The following EHBP1L1 variants were observed in gnomAD, a reference collection of about 807,000 sequenced individuals.
EHBP1L1 encodes EH domain-binding protein 1-like protein 1.
In EHBP1L1, 122 loss-of-function variants were observed where a neutral mutation model predicts 151.1. That is an observed-to-expected ratio of 0.81 (90% confidence interval 0.70 to 0.94). The LOEUF (loss-of-function observed/expected upper bound fraction) is 0.94. Among genes scored for constraint, EHBP1L1 ranks in the 40% least tolerant of loss-of-function variants. The pLI is 0.00. For missense variants in EHBP1L1, 1,941 were observed against 1,959.8 expected, an observed-to-expected ratio of 0.99 and a Z score of 0.18; for synonymous variants, 878 against 810.1, an observed-to-expected ratio of 1.08 and a Z score of -1.42.
In EHBP1L1 at chr11:65,590,548, CAAG is replaced by C; in HGVS notation, c.4245_4247del (p.Lys1415del). On this transcript the variant is annotated inframe_deletion, in exon 16 of 19. Transcript: ENST00000309295. Reference sequence around the variant, plus strand: ...TCCAGGAGTGGTTCACCCTGGTCAACAAGAAGAACGCTCTCATCCGGAGGCAGG... The same window carrying C: ...TCCAGGAGTGGTTCACCCTGGTCAACAAGAACGCTCTCATCCGGAGGCAGG... The C allele has an allele frequency of 1.9e-6, 3 of 1,613,710 alleles. No individual in the cohort carries two copies. Among genetic ancestry groups the C allele is most frequent in the Non-Finnish European group, 1.7e-6 (2 of 1,179,866 alleles).
At position 65,585,577 on chromosome 11, in the gene EHBP1L1, G is replaced by A. The variant is rs745432786; in HGVS notation, c.3919G>A (p.Gly1307Arg). The change falls in exon 12 of 19, where the codon GGA becomes AGA. Residue 1307 changes from glycine to arginine, a missense_variant. Gly to Arg is a moderately radical substitution (Grantham distance 125). Coordinates refer to ENST00000309295, the MANE Select transcript of EHBP1L1 (RefSeq NM_001099409.3). This position sits in a 1 kb window ranked among gnomAD's most constrained non-coding sequence, Gnocchi z 4.0. ...SMDDPDAGAM[G>R]AAAAEGQAPD... ...GGACGATCCGGACGCGGGAGCCATG[G>A]GAGCTGCGGCTGCAGTGAGTGTCAA... The A allele has an allele frequency of 6.3e-7, 1 of 1,579,346 alleles. No individual in the cohort carries two copies. The highest frequency in any genetic ancestry group is 1.7e-5 in the Admixed American group (1 of 57,534).
At chr11:65,576,786 C>T (rs1857352284) in intron 1 of EHBP1L1, among the ~76,000 whole-genome samples, 1 of 152,166 alleles carries the variant, frequency 6.6e-6, no homozygotes, top group African/African-American at 2.4e-5. Flanking sequence ...AGGGCTGGGG[C>T]AGGAGCCTCC....
intron 12 of EHBP1L1, among the ~76,000 whole-genome samples, chr11:65,587,734 C>G (rs1858047420): frequency 3.3e-5 from 5 of 152,058 alleles, no homozygotes; most frequent in Admixed American, 3.3e-4. Flanking sequence ...GTGACTGGCC[C>G]CAAGGCACAC....
At chr11:65,584,792 G>T in intron 11 of EHBP1L1, 167 bp from the exon 12 acceptor site, 1 of 1,057,716 alleles carries the variant, frequency 9.5e-7, no homozygotes, top group South Asian at 1.6e-5. Context: ...GCTAAGCAAC[G>T]CGAGGGCGGG....
intron 11 of EHBP1L1, 73 bp from the exon 12 acceptor site, chr11:65,584,886 G>T (rs1857851560): frequency 3.3e-6 from 5 of 1,497,382 alleles, no homozygotes; most frequent in African/African-American, 1.4e-5. Flanking sequence ...CCCCCTCCGT[G>T]GGGCGGCACT....
In EHBP1L1 at chr11:65,592,636, G is replaced by A. The variant is rs556666995; in HGVS notation, c.*334G>A. The A allele has an allele frequency of 1.1e-5, 3 of 278,358 alleles. No homozygotes were observed. Among genetic ancestry groups the A allele is most frequent in the African/African-American group, 4.5e-5 (2 of 44,314 alleles). 17.2% of individuals were successfully genotyped at this position (278,358 alleles called of 1,614,324 possible). ...CCTGTTCTCCAGAGCAATAAAGTTG[G>A]ACGAGACTACCCCAGCGCCGGCCTT... On this transcript the variant is annotated 3_prime_UTR_variant, in exon 19 of 19. Coordinates refer to ENST00000309295, the MANE Select transcript of EHBP1L1 (RefSeq NM_001099409.3).
rs1857395166 is a variant in EHBP1L1, at chr11:65,577,660, C to T, written c.104+1254C>T. On this transcript the variant is annotated intron_variant, in intron 1 of 18. Transcript: ENST00000309295. ...CCCAGCCTGAGTCAGGCTGCCCAGC[C>T]AAGCCCTGCCCTCCCTAGGCACCCC... Among the ~76,000 whole-genome samples the T allele has an allele frequency of 2.0e-5, 3 of 152,270 alleles. 1 individual carries two copies. The highest frequency in any genetic ancestry group is 7.2e-5 in the African/African-American group (3 of 41,574).
rs1858218213 is a variant in EHBP1L1, at chr11:65,590,543, G to A, written c.4234G>A (p.Val1412Ile). 1 of 1,613,546 alleles carries A rather than the reference G, an allele frequency of 6.2e-7. No individual in the cohort carries two copies. Among genetic ancestry groups the A allele is most frequent in the Non-Finnish European group, 8.5e-7 (1 of 1,179,866 alleles). Residue 1412 changes from valine (V) to isoleucine (I), a missense_variant, in exon 16 of 19, where the codon GTC (valine) becomes ATC (isoleucine). Physicochemically the swap from Val to Ile is conservative, Grantham distance 29 (BLOSUM62 3). Coordinates refer to ENST00000309295, the MANE Select transcript of EHBP1L1 (RefSeq NM_001099409.3). ...EVLIQEWFTL[V>I]NKKNALIRRQ... ...GCTGATCCAGGAGTGGTTCACCCTG[G>A]TCAACAAGAAGAACGCTCTCATCCG...
Position 65,584,294 on chromosome 11 carries a change from A to G in EHBP1L1, c.3147A>G (p.Glu1049=). 6.2e-7 allele frequency: 1 copy of G among 1,611,386 alleles called. No homozygotes were observed. Among genetic ancestry groups the G allele is most frequent in the East Asian group, 2.2e-5 (1 of 44,850 alleles). ...SSQSLLEWCQ[E]VTTGYRGVRI... ...AGTCCCTGCTGGAGTGGTGCCAGGA[A>G]GTCACCACTGGCTACCGTGGCGTCC... The change falls in exon 10 of 19, where the codon GAA becomes GAG. Residue 1049 remains glutamate (E), a synonymous_variant. Transcript: ENST00000309295.
Position 65,581,348 on chromosome 11 carries a change from C to G in EHBP1L1, c.841C>G (p.Pro281Ala), listed in dbSNP as rs1167394216. 1 of 1,577,260 alleles carries G rather than the reference C, an allele frequency of 6.3e-7. No individual in the cohort carries two copies. The highest frequency in any genetic ancestry group is 1.4e-5 in the African/African-American group (1 of 72,824). The change falls in exon 8 of 19, where the codon CCC becomes GCC. Residue 281 changes from proline (P) to alanine (A), a missense_variant. Pro to Ala is a conservative substitution (Grantham distance 27). Transcript: ENST00000309295. The part of the protein sequence containing the change: ...GGQVGPEAPR[P>A]PETSPEMRSS... ...CCAGGTAGGCCCTGAGGCCCCAAGGCCCCCGGAAACCTCACCAGAGATGAG... is the reference window on the plus strand; with the variant it reads ...CCAGGTAGGCCCTGAGGCCCCAAGGGCCCCGGAAACCTCACCAGAGATGAG...
chr11:65,578,435 A>T (rs1857428823), intron 1 of EHBP1L1, among the ~76,000 whole-genome samples: 1 of 151,940 alleles, frequency 6.6e-6, no homozygotes, highest in Non-Finnish European at 1.5e-5. Flanking sequence ...CACACAGCCC[A>T]TCCCCCTGCC....
rs879433763 is a variant in EHBP1L1 at position 65,584,873 on chromosome 11, G to A, written c.3301-86G>A. On this transcript the variant is annotated intron_variant, in intron 11 of 18. Transcript: ENST00000309295. ...GCAAAACCCGGGGTGCCAATCCCGG[G>A]GACCCCCTCCGTGGGGCGGCACTGC... The A allele has an allele frequency of 1.0e-5, 15 of 1,481,052 alleles. No individual in the cohort carries two copies. In the Admixed American group the frequency reaches 3.8e-4, roughly 38 times the overall value. The allele number at this position is 1,481,052 out of a possible 1,614,324, so 91.7% of individuals were successfully genotyped here.
chr11:65,587,285 A>G (rs1590832688), intron 12 of EHBP1L1, among the ~76,000 whole-genome samples: 1 of 151,688 alleles, frequency 6.6e-6, no homozygotes, highest in African/African-American at 2.4e-5. Flanking sequence ...AGGCAGGGGA[A>G]TTGTTTGAAC....
chr11:65,580,608 C>T (rs1857551348), intron 6 of EHBP1L1, 129 bp downstream of exon 6: 3 of 1,240,298 alleles, frequency 2.4e-6, no homozygotes, highest in Middle Eastern at 2.8e-4. Flanking sequence ...TCCCAACCAA[C>T]CCAGCAGCCT....
chr11:65,576,618 C>G (rs1056819422), intron 1 of EHBP1L1, among the ~76,000 whole-genome samples: 10 of 152,316 alleles, frequency 6.6e-5, no homozygotes, highest in African/African-American at 2.4e-4. Flanking sequence ...GCCTTCCCTG[C>G]GCGGGGGTCA....
chr11:65,576,623 G>A (rs1452086092), intron 1 of EHBP1L1, among the ~76,000 whole-genome samples: 1 of 152,198 alleles, frequency 6.6e-6, no homozygotes, highest in African/African-American at 2.4e-5. Context: ...CCCTGCGCGG[G>A]GGTCAGGACT....
Position 65,584,288 on chromosome 11 carries a change from C to T in EHBP1L1, c.3141C>T (p.Cys1047=), listed in dbSNP as rs377568011. 7.4e-6 allele frequency: 12 copies of T among 1,611,576 alleles called. No homozygotes were observed. In the African/African-American group the frequency reaches 1.2e-4, roughly 16 times the overall value. The change falls in exon 10 of 19, where the codon TGC becomes TGT. Residue 1047 remains cysteine (C), a synonymous_variant. Transcript: ENST00000309295. ...VSSSQSLLEW[C]QEVTTGYRGV... is the part of the protein sequence containing the mutation. ...CCAGCCAGTCCCTGCTGGAGTGGTG[C>T]CAGGAAGTCACCACTGGCTACCGTG... is the stretch of plus-strand genomic sequence containing the variant.
At position 65,582,415 on chromosome 11, in the gene EHBP1L1, G is replaced by A. The variant is rs1259915728; in HGVS notation, c.1743G>A (p.Val581=). 13 of 1,609,874 alleles carry A rather than the reference G, an allele frequency of 8.1e-6. No individual in the cohort carries two copies. The highest frequency in any genetic ancestry group is 1.1e-5 in the Non-Finnish European group (13 of 1,178,522). ...AGACTGAGGTGGTAGGGTTGGAGGT[G>A]CTGGGAACCCAGGAGAAAGAAGTTG... ...ETETEVVGLE[V]LGTQEKEVEG... is the part of the protein sequence containing the mutation. The change falls in exon 9 of 19, where the codon GTG becomes GTA. Residue 581 remains valine, a synonymous_variant. Coordinates refer to ENST00000309295, the MANE Select transcript of EHBP1L1 (RefSeq NM_001099409.3).
rs773313680 is a variant in EHBP1L1, at chr11:65,583,027, G to C, written c.2355G>C (p.Gly785=). 4 of 1,612,978 alleles carry C rather than the reference G, an allele frequency of 2.5e-6. No individual in the cohort carries two copies. The highest frequency in any genetic ancestry group is 3.3e-5 in the Admixed American group (2 of 59,958). The part of the protein sequence containing the change: ...GTQEIASRDS[G]VPGLEADTTG... ...AAGAGATAGCATCTAGGGATTCAGG[G>C]GTCCCAGGGTTAGAAGCTGATACAA... is the stretch of plus-strand genomic sequence containing the variant. The change falls in exon 9 of 19, where the codon GGG becomes GGC. Residue 785 remains glycine, a synonymous_variant. Transcript: ENST00000309295.
Sources: allele counts gnomAD v4.1 joint callset (sites outside exome capture counted in the v4.1 genomes callset), GRCh38; gene constraint gnomAD v4.1.1; non-coding constraint Gnocchi (gnomAD v3.1); transcripts MANE v1.5; gene names NCBI Gene and HGNC (gene_info 2026-07-23, HGNC 2026-07-21).